MCF2L2: variants seen among roughly 807,000 people sequenced by gnomAD.
The protein encoded by MCF2L2 is probable guanine nucleotide exchange factor MCF2L2.
MCF2L2 carries 102 observed loss-of-function variants against 150.2 expected under a neutral mutation model. The ratio of observed to expected loss-of-function variants is 0.68; its 90% CI spans 0.58 to 0.80. The LOEUF is 0.80. Among genes scored for constraint, MCF2L2 ranks in the 30% least tolerant of loss-of-function variants. MCF2L2 has a pLI of 0.00. For missense variants in MCF2L2, 1,256 were observed against 1,372.8 expected (o/e 0.91, Z 1.34); for synonymous variants, 465 against 491.3 (o/e 0.95, Z 0.71).
Position 183,181,908 on chromosome 3 carries a change from C to A in MCF2L2, c.3017-1749G>T, listed in dbSNP as rs1369828289. Among the ~76,000 whole-genome samples the A allele has an allele frequency of 1.3e-5, 2 of 151,968 alleles. No individual in the cohort carries two copies. Among genetic ancestry groups the A allele is most frequent in the Admixed American group, 1.3e-4 (2 of 15,288 alleles). On this transcript the variant is annotated intron_variant, in intron 27 of 29. Transcript: ENST00000328913. The surrounding 1 kb of genome is among the most constrained non-coding windows in gnomAD (Gnocchi z 4.3). ...CTGAAAAACCTGACAAGCTCTAGCC[C>A]CTCCGCAGGGTAAGTGGTACCTCCA...
rs1729347339 is a variant in MCF2L2 at position 183,310,936 on chromosome 3, A to G, written c.972T>C (p.His324=). 1 of 1,613,078 alleles carries G rather than the reference A, an allele frequency of 6.2e-7. No homozygotes were observed. The highest frequency in any genetic ancestry group is 1.7e-5 in the Admixed American group (1 of 59,906). ...LKLNQCLQLQ[H]FEHDFCKAKL... is the part of the protein sequence containing the mutation. ...ATACCTTACAAAAATCGTGCTCAAAATGCTGTAGTTGTAGGCACTGGTTAA... is the reference window on the plus strand; with the variant it reads ...ATACCTTACAAAAATCGTGCTCAAAGTGCTGTAGTTGTAGGCACTGGTTAA... Residue 324 remains histidine (H), a synonymous_variant, in exon 9 of 30, where the codon CAT becomes CAC. Coordinates refer to ENST00000328913, the MANE Select transcript of MCF2L2 (RefSeq NM_015078.4).
intron 22 of MCF2L2, 145 bp downstream of exon 22, chr3:183,215,824 T>C: frequency 2.2e-6 from 2 of 911,932 alleles, no homozygotes; most frequent in Non-Finnish European, 3.2e-6. Context: ...GTAGTGCGGG[T>C]TTACTGAGCA....
chr3:183,387,413 T>G (rs1354850487), intron 2 of MCF2L2, among the ~76,000 whole-genome samples: 1 of 152,220 alleles, frequency 6.6e-6, no homozygotes, highest in Non-Finnish European at 1.5e-5. Flanking sequence ...CAGTTCTCTG[T>G]TCTACGTTAG....
At chr3:183,388,481 A>T (rs889943562) in intron 2 of MCF2L2, among the ~76,000 whole-genome samples, 1 of 152,244 alleles carries the variant, frequency 6.6e-6, no homozygotes, top group South Asian at 2.1e-4. Context: ...ACAGGGGCCA[A>T]TGGTGCCTAA....
chr3:183,304,549 T>G (rs1460915241), intron 10 of MCF2L2, among the ~76,000 whole-genome samples: 1 of 145,728 alleles, frequency 6.9e-6, no homozygotes, highest in Non-Finnish European at 1.5e-5. Flanking sequence ...CACTGAAAAT[T>G]CTGCCTCCGG....
chr3:183,179,049 A>C lies in MCF2L2; in HGVS notation c.*331T>G. ...GTGGGTAGAGGCCAGGGGTGCTACT[A>C]AACATCCTACCGTGGGAGCACAGAG... On this transcript the variant is annotated 3_prime_UTR_variant, in exon 30 of 30. Transcript: ENST00000328913. The surrounding 1 kb of genome is among the most constrained non-coding windows in gnomAD (Gnocchi z 4.2). The C allele has an allele frequency of 3.9e-6, 1 of 255,954 alleles. No individual in the cohort carries two copies. The highest frequency in any genetic ancestry group is 1.7e-4 in the South Asian group (1 of 5,960). 15.9% of individuals were successfully genotyped at this position (255,954 alleles called of 1,614,324 possible). A position where few individuals can be genotyped will look rare whatever the true frequency, so the allele number is the denominator to read the frequency against.
At chr3:183,198,584 G>GTGTCATTAT (rs1214680176) in intron 25 of MCF2L2, among the ~76,000 whole-genome samples, 3 of 152,122 alleles carry the variant, frequency 2.0e-5, no homozygotes, top group Admixed American at 1.3e-4. Flanking sequence ...GTGGTTTATC[G>GTGTCATTAT]TGTCATTATA....
intron 27 of MCF2L2, among the ~76,000 whole-genome samples, chr3:183,184,564 A>G (rs746129841): frequency 2.0e-4 from 30 of 152,212 alleles, no homozygotes; most frequent in Non-Finnish European, 3.4e-4. Flanking sequence ...TTAGTCGACA[A>G]TCTTTCTGGT....
intron 15 of MCF2L2, among the ~76,000 whole-genome samples, chr3:183,274,168 T>C (rs1468255710): frequency 1.3e-5 from 2 of 151,932 alleles, no homozygotes; most frequent in African/African-American, 4.8e-5. Flanking sequence ...TGACCTGAGA[T>C]TGTGCCACTG....
intron 14 of MCF2L2, among the ~76,000 whole-genome samples, chr3:183,281,979 G>A (rs1727510218): frequency 6.8e-6 from 1 of 145,996 alleles, no homozygotes; most frequent in Non-Finnish European, 1.5e-5. Flanking sequence ...CCTGAAGCTT[G>A]CAGCCTCGAA....
At chr3:183,201,376 C>G (rs1168310647) in intron 25 of MCF2L2, among the ~76,000 whole-genome samples, 1 of 152,084 alleles carries the variant, frequency 6.6e-6, no homozygotes, top group Admixed American at 6.5e-5. Flanking sequence ...GTATTTTATT[C>G]TCTTTGAAGC....
At chr3:183,318,032 C>T (rs1174821842) in intron 7 of MCF2L2, 36 bp downstream of exon 7, 2 of 1,606,300 alleles carry the variant, frequency 1.2e-6, no homozygotes, top group South Asian at 2.2e-5. Flanking sequence ...CCTGCTGGCA[C>T]AGACACTGGC....
intron 15 of MCF2L2, among the ~76,000 whole-genome samples, chr3:183,242,093 G>A (rs753933615): frequency 6.6e-5 from 10 of 152,228 alleles, no homozygotes; most frequent in Non-Finnish European, 1.3e-4. Context: ...CATTCAAGAT[G>A]TCACTTGAGT....
intron 5 of MCF2L2, among the ~76,000 whole-genome samples, chr3:183,325,649 T>C (rs1245342219): frequency 6.6e-6 from 1 of 152,162 alleles, no homozygotes; most frequent in East Asian, 1.9e-4. Context: ...AATCGACATT[T>C]TAAAAAAGAC....
chr3:183,368,700 G>A (rs376635581), intron 3 of MCF2L2, among the ~76,000 whole-genome samples: 3 of 152,162 alleles, frequency 2.0e-5, no homozygotes, highest in Admixed American at 2.0e-4. Context: ...AGAGGCAGAG[G>A]TTGCAGTGAG....
At chr3:183,212,921 C>T (rs772029341) in intron 22 of MCF2L2, among the ~76,000 whole-genome samples, 11 of 125,286 alleles carry the variant, frequency 8.8e-5, no homozygotes, top group East Asian at 4.6e-4. Context: ...CACTTACTCC[C>T]GGCAACCGCC....
At chr3:183,425,778 C>T (rs1716129982) in intron 1 of MCF2L2, among the ~76,000 whole-genome samples, 1 of 152,128 alleles carries the variant, frequency 6.6e-6, no homozygotes, top group South Asian at 2.1e-4. Flanking sequence ...CATGGAGAAA[C>T]CCGTCTCTAC....
intron 15 of MCF2L2, among the ~76,000 whole-genome samples, chr3:183,257,852 T>C (rs1166538788): frequency 3.3e-5 from 5 of 152,148 alleles, no homozygotes; most frequent in Non-Finnish European, 7.4e-5. Flanking sequence ...ACTAAGTGAT[T>C]TGACATTTCC....
At chr3:183,287,640 T>C (rs1463481918) in intron 14 of MCF2L2, 4 of 152,222 alleles carry the variant, frequency 2.6e-5, no homozygotes, top group African/African-American at 9.6e-5. Flanking sequence ...TTCATACAGT[T>C]TCCTAACTTG....
Sources: allele counts gnomAD v4.1 joint callset (sites outside exome capture counted in the v4.1 genomes callset), GRCh38; gene constraint gnomAD v4.1.1; non-coding constraint Gnocchi (gnomAD v3.1); transcripts MANE v1.5; gene names NCBI Gene and HGNC (gene_info 2026-07-23, HGNC 2026-07-21).